Variants in ELN observed in about 807,000 individuals in gnomAD.
ELN encodes the protein tropoelastin.
Under a neutral mutation model 105.8 loss-of-function variants are expected in ELN, and 65 were observed. The ratio of observed to expected loss-of-function variants is 0.61; its 90% CI spans 0.50 to 0.75. The LOEUF (loss-of-function observed/expected upper bound fraction) is 0.75, where lower values mean the gene tolerates loss of function less well. ELN is among the 30% of genes least tolerant of loss of function. The pLI is 0.00. For missense variants in ELN, 882 were observed against 969.4 expected (o/e 0.91, Z 1.20); for synonymous variants, 368 against 389.2 (o/e 0.95, Z 0.64).
At chr7:74,031,885 G>GAAGA (rs1485749039) in intron 1 of ELN, among the ~76,000 whole-genome samples, 1 of 150,646 alleles carries the variant, frequency 6.6e-6, no homozygotes, top group Non-Finnish European at 1.5e-5. Context: ...AGGAAGGAAG[G>GAAGA]AAGGAAGGAA....
chr7:74,050,946 G>C (rs1793900108), intron 15 of ELN, among the ~76,000 whole-genome samples: 1 of 152,166 alleles, frequency 6.6e-6, no homozygotes. Flanking sequence ...ATTTTAGGTG[G>C]TGCATATATA....
intron 5 of ELN, among the ~76,000 whole-genome samples, chr7:74,042,143 G>C (rs1427762064): frequency 1.3e-5 from 2 of 151,980 alleles, no homozygotes; most frequent in African/African-American, 4.8e-5. Context: ...CTGGTACTTA[G>C]GCGCGGTGGC....
At chr7:74,048,629 C>T in intron 15 of ELN, 73 bp downstream of exon 15, 1 of 1,588,064 alleles carries the variant, frequency 6.3e-7, no homozygotes, top group Admixed American at 1.8e-5. Flanking sequence ...CTATTGACAG[C>T]CTGCCTCCAA....
At chr7:74,029,442 A>G (rs1267596528) in intron 1 of ELN, among the ~76,000 whole-genome samples, 4 of 151,552 alleles carry the variant, frequency 2.6e-5, no homozygotes, top group African/African-American at 9.7e-5. Context: ...GCTCCCGGGC[A>G]TGGGAAAAAG....
chr7:74,068,827 C>G lies in ELN; in HGVS notation c.*127C>G. 1 of 1,254,320 alleles carries G rather than the reference C, an allele frequency of 8.0e-7. No individual in the cohort carries two copies. Among genetic ancestry groups the G allele is most frequent in the Non-Finnish European group, 1.2e-6 (1 of 864,700 alleles). The allele number at this position is 1,254,320 out of a possible 1,614,324, so 77.7% of individuals were successfully genotyped here. A position where few individuals can be genotyped will look rare whatever the true frequency, so the allele number is the denominator to read the frequency against. ...CCACCCCAGGAGGGAACGGGCAGGC[C>G]GGGCGGCCTTGCAGATCCACAGGGC... On this transcript the variant is annotated 3_prime_UTR_variant, in exon 33 of 33. Transcript: ENST00000252034.
intron 20 of ELN, 28 bp from the exon 21 acceptor site, chr7:74,056,644 G>A (rs782283663): frequency 6.2e-7 from 1 of 1,613,824 alleles, no homozygotes; most frequent in Admixed American, 1.7e-5. Flanking sequence ...GGCTTCTGAG[G>A]GTCTCTTTCT....
At chr7:74,042,534 G>T (rs891958572) in intron 5 of ELN, 80 bp from the exon 6 acceptor site, 1 of 1,322,182 alleles carries the variant, frequency 7.6e-7, no homozygotes, top group Non-Finnish European at 1.1e-6. Context: ...CCTGAGTGGG[G>T]CACAGCCAGG....
chr7:74,064,761 G>A (rs554053144), intron 29 of ELN, among the ~76,000 whole-genome samples: 2 of 152,180 alleles, frequency 1.3e-5, no homozygotes, highest in Non-Finnish European at 2.9e-5. Context: ...GGTTATGCCA[G>A]TTCTCCAAGA....
chr7:74,061,608 C>T (rs1351049903), intron 26 of ELN, among the ~76,000 whole-genome samples: 8 of 152,076 alleles, frequency 5.3e-5, no homozygotes, highest in Admixed American at 1.3e-4. Flanking sequence ...GCCGAGATCA[C>T]GCCACTGCAC....
chr7:74,056,569 G>C (rs1795276368), intron 20 of ELN, 103 bp from the exon 21 acceptor site: 2 of 1,602,316 alleles, frequency 1.2e-6, no homozygotes, highest in Non-Finnish European at 1.7e-6. Context: ...GAGAAGAAGG[G>C]AGGTCGTATC....
chr7:74,059,258 G>A (rs1161835873), intron 22 of ELN, among the ~76,000 whole-genome samples: 1 of 152,128 alleles, frequency 6.6e-6, no homozygotes, highest in East Asian at 1.9e-4. Flanking sequence ...CTTGCCTACA[G>A]TTGCACAGCT....
intron 18 of ELN, 41 bp downstream of exon 18, chr7:74,053,350 G>GTT: frequency 6.2e-7 from 1 of 1,601,732 alleles, no homozygotes; most frequent in Non-Finnish European, 8.5e-7. Flanking sequence ...GTGTGTGTGT[G>GTT]TGTGTGTGTA....
chr7:74,035,463 A>T (rs1554665008), intron 2 of ELN, 49 bp downstream of exon 2: 1 of 1,606,266 alleles, frequency 6.2e-7, no homozygotes, highest in Non-Finnish European at 8.5e-7. Flanking sequence ...GATGATGCTG[A>T]TGTCCATAAT....
rs782178277 is a variant in ELN at position 74,061,142 on chromosome 7, G to A, written c.1786+3G>A. 3.1e-6 allele frequency: 5 copies of A among 1,614,120 alleles called. No homozygotes were observed. Among genetic ancestry groups the A allele is most frequent in the Non-Finnish European group, 3.4e-6 (4 of 1,180,038 alleles). ...TGCCGCTAAAGCAGCCAAATATGGT[G>A]AGTGCACCCCACAACCACTTGTGGC... is the stretch of plus-strand genomic sequence containing the variant. On this transcript the variant is annotated splice_donor_region_variant and intron_variant, in intron 26 of 32. Coordinates refer to ENST00000252034, the MANE Select transcript of ELN (RefSeq NM_000501.4).
intron 15 of ELN, 111 bp from the exon 16 acceptor site, chr7:74,051,639 C>A: frequency 5.5e-6 from 7 of 1,262,564 alleles, no homozygotes; most frequent in African/African-American, 1.5e-5. Flanking sequence ...CACCCGGGCC[C>A]CATTCCTGGA....
intron 22 of ELN, chr7:74,059,541 G>T: frequency 2.5e-6 from 1 of 402,088 alleles, no homozygotes; most frequent in South Asian, 2.5e-5. Flanking sequence ...AAAATTAGCC[G>T]GGCATGGTGG....
Position 74,060,483 on chromosome 7 carries a change from G to A in ELN, c.1729G>A (p.Val577Ile), listed in dbSNP as rs782428923. The change falls in exon 25 of 33, where the codon GTT becomes ATT. Residue 577 changes from valine to isoleucine, a missense_variant. Physicochemically the swap from Val to Ile is conservative, Grantham distance 29 (BLOSUM62 3). Coordinates refer to ENST00000252034, the MANE Select transcript of ELN (RefSeq NM_000501.4). The part of the protein sequence containing the change: ...GVPGLGVGAG[V>I]PGFGAVPGAL... Reference sequence around the variant, plus strand: ...TCCTGGACTTGGAGTTGGTGCTGGTGTTCCTGGCTTCGGGGCAGGTGCAGA... The same window carrying A: ...TCCTGGACTTGGAGTTGGTGCTGGTATTCCTGGCTTCGGGGCAGGTGCAGA... The A allele has an allele frequency of 1.1e-5, 17 of 1,614,148 alleles. No individual in the cohort carries two copies. In the South Asian group the frequency reaches 1.8e-4, roughly 17 times the overall value.
chr7:74,063,773 A>G lies in ELN; in HGVS notation c.1993+78A>G, dbSNP rs1797263460. On this transcript the variant is annotated intron_variant, in intron 29 of 32. Coordinates refer to ENST00000252034, the MANE Select transcript of ELN (RefSeq NM_000501.4). This position sits in a 1 kb window ranked among gnomAD's most constrained non-coding sequence, Gnocchi z 4.1. ...GAGATGGAGACAGAGACAGAGACAG[A>G]GACTTTCGTTCCCACCCCTGGCACG... 12 of 1,596,388 alleles carry G rather than the reference A, an allele frequency of 7.5e-6. No homozygotes were observed. Among genetic ancestry groups the G allele is most frequent in the Non-Finnish European group, 1.0e-5 (12 of 1,164,928 alleles).
chr7:74,052,952 C>T (rs1371055292), intron 17 of ELN: 12 of 621,742 alleles, frequency 1.9e-5, no homozygotes, highest in African/African-American at 5.5e-5. Flanking sequence ...GATCACATTC[C>T]TCCAGCTCAC....
Sources: allele counts gnomAD v4.1 joint callset (sites outside exome capture counted in the v4.1 genomes callset), GRCh38; gene constraint gnomAD v4.1.1; non-coding constraint Gnocchi (gnomAD v3.1); transcripts MANE v1.5; gene names NCBI Gene and HGNC (gene_info 2026-07-23, HGNC 2026-07-21).